Variants in LYPLAL1 observed in about 807,000 individuals in gnomAD.
The protein encoded by LYPLAL1 is lysophospholipase-like protein 1.
In LYPLAL1, 23 loss-of-function variants were observed where a neutral mutation model predicts 19.7. The observed-to-expected ratio is 1.17, with a 90% confidence interval of 0.84 to 1.65. The LOEUF is 1.65. Among genes scored for constraint, LYPLAL1 ranks in the 40% most tolerant of loss-of-function variants. The pLI is 0.00. For synonymous variants in LYPLAL1, 119 were observed against 96.3 expected (o/e 1.24, Z -1.38); for missense variants, 355 against 279.4 (o/e 1.27, Z -1.93).
the LYPLAL1 span, among the ~76,000 whole-genome samples, chr1:219,360,038 G>A: frequency 6.6e-5 from 10 of 152,234 alleles, no homozygotes; most frequent in African/African-American, 1.4e-4. Flanking sequence ...CATGTATCCC[G>A]AAACAGCACA....
chr1:219,216,137 C>T (rs1659281995), downstream of LYPLAL1, among the ~76,000 whole-genome samples: 1 of 151,908 alleles, frequency 6.6e-6, no homozygotes, highest in Non-Finnish European at 1.5e-5. Flanking sequence ...TTATTTCTTA[C>T]ATTTTTCTAT....
At chr1:219,247,567 G>A in the LYPLAL1 span, among the ~76,000 whole-genome samples, 1 of 152,188 alleles carries the variant, frequency 6.6e-6, no homozygotes, top group African/African-American at 2.4e-5. Context: ...CAAAGGCTGA[G>A]TAGGACTATT....
chr1:219,421,732 G>A, the LYPLAL1 span, among the ~76,000 whole-genome samples: 1 of 152,098 alleles, frequency 6.6e-6, no homozygotes, highest in Non-Finnish European at 1.5e-5. Flanking sequence ...AAAAGGAGAA[G>A]GAGGATAGCA....
chr1:219,193,037 C>A lies in LYPLAL1; in HGVS notation c.192-45C>A, dbSNP rs369832960. On this transcript the variant is annotated intron_variant, in intron 2 of 4. Transcript: ENST00000366928. ...TAATTAAAGCATCCATTTTCATATT[C>A]CCTTTTCCTTTCTTTTTTTTTGGGG... 45 of 1,498,078 alleles carry A rather than the reference C, an allele frequency of 3.0e-5. No individual in the cohort carries two copies. In the East Asian group the frequency reaches 4.2e-4, roughly 14 times the overall value. The allele number at this position is 1,498,078 out of a possible 1,614,324, so 92.8% of individuals were successfully genotyped here. A position where few individuals can be genotyped will look rare whatever the true frequency, so the allele number is the denominator to read the frequency against.
the LYPLAL1 span, among the ~76,000 whole-genome samples, chr1:219,256,442 TTTC>T: frequency 0.46 from 69,758 of 150,962 alleles, 16,415 homozygotes; most frequent in East Asian, 0.65. Flanking sequence ...CTCTCTTTCT[TTTC>T]TTTCTCCCTT....
chr1:219,236,693 C>T, the LYPLAL1 span, among the ~76,000 whole-genome samples: 1 of 152,100 alleles, frequency 6.6e-6, no homozygotes, highest in Admixed American at 6.5e-5. Context: ...GGATAGTCTA[C>T]TTGAACTTTT....
chr1:219,260,735 T>C, the LYPLAL1 span, among the ~76,000 whole-genome samples: 144,888 of 150,564 alleles, frequency 0.96, 69,969 homozygotes, highest in East Asian at 1. Context: ...CATATACATA[T>C]ATAAAAAAAG....
At chr1:219,383,052 G>A in the LYPLAL1 span, among the ~76,000 whole-genome samples, 2 of 152,030 alleles carry the variant, frequency 1.3e-5, no homozygotes, top group African/African-American at 4.8e-5. Context: ...AAGTGATCTG[G>A]ACTGTTCATG....
At chr1:219,267,590 T>G in the LYPLAL1 span, among the ~76,000 whole-genome samples, 1 of 152,248 alleles carries the variant, frequency 6.6e-6, no homozygotes, top group African/African-American at 2.4e-5. Flanking sequence ...CTGTGTTACC[T>G]TCATTAATGT....
At chr1:219,425,267 A>G in the LYPLAL1 span, among the ~76,000 whole-genome samples, 2 of 152,182 alleles carry the variant, frequency 1.3e-5, no homozygotes, top group African/African-American at 4.8e-5. Context: ...CACCTTGGGA[A>G]TGAGGATTTC....
At chr1:219,411,123 G>C in the LYPLAL1 span, among the ~76,000 whole-genome samples, 1 of 152,154 alleles carries the variant, frequency 6.6e-6, no homozygotes, top group African/African-American at 2.4e-5. Context: ...CCTGAGTCTG[G>C]TGGGGACGTG....
At chr1:219,428,179 T>G in the LYPLAL1 span, among the ~76,000 whole-genome samples, 11 of 152,174 alleles carry the variant, frequency 7.2e-5, no homozygotes, top group Admixed American at 2.6e-4. Flanking sequence ...AAGCAGTGGG[T>G]ATTCAGTGGA....
chr1:219,213,158 C>T (rs949035374), downstream of LYPLAL1, among the ~76,000 whole-genome samples: 3 of 151,922 alleles, frequency 2.0e-5, no homozygotes, highest in Admixed American at 1.3e-4. Flanking sequence ...TTAACAGTGT[C>T]TCAGCACTAT....
the LYPLAL1 span, among the ~76,000 whole-genome samples, chr1:219,275,935 T>A: frequency 6.6e-6 from 1 of 152,176 alleles, no homozygotes; most frequent in African/African-American, 2.4e-5. Context: ...AAGTGAAATT[T>A]AAGTGTTTTC....
chr1:219,421,826 G>A, the LYPLAL1 span, among the ~76,000 whole-genome samples: 1 of 152,114 alleles, frequency 6.6e-6, no homozygotes, highest in African/African-American at 2.4e-5. Flanking sequence ...ATTAAATAAA[G>A]AATATTGAAA....
the LYPLAL1 span, among the ~76,000 whole-genome samples, chr1:219,326,545 T>C: frequency 6.6e-6 from 1 of 152,154 alleles, no homozygotes; most frequent in Non-Finnish European, 1.5e-5. Flanking sequence ...CTTCTGGGAT[T>C]CTTGACTCGG....
the LYPLAL1 span, among the ~76,000 whole-genome samples, chr1:219,362,260 C>T: frequency 6.6e-6 from 1 of 152,092 alleles, no homozygotes; most frequent in Admixed American, 6.6e-5. Context: ...GGCAATTAGG[C>T]TTCCTATGAT....
chr1:219,241,719 C>G, the LYPLAL1 span, among the ~76,000 whole-genome samples: 70,705 of 151,998 alleles, frequency 0.47, 16,830 homozygotes, highest in East Asian at 0.66. Context: ...AAAGGGAGAT[C>G]TGTGCTTGTG....
At chr1:219,197,884 G>A (rs911621333) in intron 3 of LYPLAL1, among the ~76,000 whole-genome samples, 11 of 152,072 alleles carry the variant, frequency 7.2e-5, no homozygotes, top group Admixed American at 2.6e-4. Context: ...AAAAACAGTA[G>A]CAGGAGAGGT....
Sources: gnomAD v4.1 joint callset for allele counts (sites outside exome capture counted in the v4.1 genomes callset) on GRCh38, gnomAD v4.1.1 for gene constraint, MANE v1.5 for transcripts, NCBI Gene and HGNC (gene_info 2026-07-23, HGNC 2026-07-21) for gene names.